GLIS3: variants seen among roughly 807,000 people sequenced by gnomAD.
The protein encoded by GLIS3 is GLIS family zinc finger 3.
In GLIS3, 53 loss-of-function variants were observed where a neutral mutation model predicts 78.6. The ratio of observed to expected loss-of-function variants is 0.67; its 90% CI spans 0.54 to 0.85. The LOEUF is 0.85. Ranked by LOEUF, GLIS3 falls within the 40% of genes least tolerant of loss-of-function variation. The pLI, the probability that GLIS3 is intolerant of heterozygous loss-of-function variation, is 0.00. For missense variants in GLIS3, 1,703 were observed against 1,231.1 expected, an observed-to-expected ratio of 1.38 and a Z score of -5.74; for synonymous variants, 684 against 509.9, an observed-to-expected ratio of 1.34 and a Z score of -4.60.
At chr9:4,380,360 A>G in the GLIS3 span, among the ~76,000 whole-genome samples, 2 of 152,218 alleles carry the variant, frequency 1.3e-5, no homozygotes, top group African/African-American at 4.8e-5. Context: ...TCTAAGCAAA[A>G]TGATTTCAGA....
At chr9:4,457,255 G>T in the GLIS3 span, among the ~76,000 whole-genome samples, 2 of 151,950 alleles carry the variant, frequency 1.3e-5, no homozygotes, top group African/African-American at 4.8e-5. Flanking sequence ...CAGCTACTTA[G>T]GAAGTTGAGG....
chr9:4,266,133 T>C (rs12708276), intron 2 of GLIS3, among the ~76,000 whole-genome samples: 82,978 of 151,628 alleles, frequency 0.55, 23,100 homozygotes, highest in African/African-American at 0.61. Context: ...TTATCCAGGA[T>C]GGTCTCGATC....
At chr9:4,163,027 G>A (rs13440435) in intron 2 of GLIS3, among the ~76,000 whole-genome samples, 11,273 of 152,238 alleles carry the variant, frequency 0.074, 899 homozygotes, top group African/African-American at 0.19. Context: ...ACATGAGGAT[G>A]GAGAGGGGAA....
At chr9:4,406,090 A>G in the GLIS3 span, among the ~76,000 whole-genome samples, 1 of 152,226 alleles carries the variant, frequency 6.6e-6, no homozygotes, top group Non-Finnish European at 1.5e-5. Flanking sequence ...ACTACATAAC[A>G]AAAGACTGTA....
chr9:3,829,845 GCAT>G (rs1389806921), intron 9 of GLIS3, among the ~76,000 whole-genome samples: 2 of 152,154 alleles, frequency 1.3e-5, no homozygotes, highest in Non-Finnish European at 2.9e-5. Context: ...GCATTTAAAT[GCAT>G]CTTCTTTAAC....
intron 4 of GLIS3, among the ~76,000 whole-genome samples, chr9:4,308,258 C>G (rs56331475): frequency 6.6e-6 from 1 of 151,782 alleles, no homozygotes; most frequent in African/African-American, 2.4e-5. Flanking sequence ...CTGGAAGGAA[C>G]AGGAAGGGCA....
At chr9:4,216,372 T>C (rs1332954733) in intron 2 of GLIS3, among the ~76,000 whole-genome samples, 2 of 151,138 alleles carry the variant, frequency 1.3e-5, no homozygotes, top group African/African-American at 2.4e-5. Flanking sequence ...ACTCAAGAGG[T>C]TGAGGCAGGA....
At chr9:4,484,154 T>C in the GLIS3 span, among the ~76,000 whole-genome samples, 2 of 152,218 alleles carry the variant, frequency 1.3e-5, no homozygotes, top group African/African-American at 4.8e-5. Context: ...AAGAGAAATC[T>C]GACATAGCTG....
chr9:4,186,413 G>A (rs963318608), intron 2 of GLIS3, among the ~76,000 whole-genome samples: 4 of 151,894 alleles, frequency 2.6e-5, no homozygotes, highest in East Asian at 3.9e-4. Context: ...GGACATTTGG[G>A]TTGGTTGCAA....
At chr9:4,037,223 G>C (rs1045603745) in intron 4 of GLIS3, among the ~76,000 whole-genome samples, 4 of 152,134 alleles carry the variant, frequency 2.6e-5, no homozygotes, top group African/African-American at 4.8e-5. Context: ...AAGATTTCTT[G>C]AGAGAGGCAT....
chr9:4,089,410 CTG>C (rs979900524), intron 4 of GLIS3, among the ~76,000 whole-genome samples: 8 of 152,116 alleles, frequency 5.3e-5, no homozygotes, highest in South Asian at 4.2e-4. Context: ...TAATAAAAAA[CTG>C]TGTATTTACA....
At chr9:4,280,148 T>C (rs1056813510) in intron 2 of GLIS3, among the ~76,000 whole-genome samples, 2 of 152,184 alleles carry the variant, frequency 1.3e-5, no homozygotes, top group African/African-American at 4.8e-5. Context: ...GCCTCCCGCA[T>C]AGCTGCGTCA....
intron 4 of GLIS3, among the ~76,000 whole-genome samples, chr9:4,069,198 T>C (rs891307786): frequency 1.3e-5 from 2 of 152,190 alleles, no homozygotes; most frequent in East Asian, 3.9e-4. Flanking sequence ...TGGCCAGCTC[T>C]AAAACTTTAT....
intron 2 of GLIS3, among the ~76,000 whole-genome samples, chr9:4,338,661 G>A (rs1276213905): frequency 6.6e-6 from 1 of 152,180 alleles, no homozygotes; most frequent in Non-Finnish European, 1.5e-5. Context: ...GACAGACCCA[G>A]GGAGAAAAAG....
At chr9:4,419,753 C>T in the GLIS3 span, among the ~76,000 whole-genome samples, 2 of 152,104 alleles carry the variant, frequency 1.3e-5, no homozygotes, top group Non-Finnish European at 2.9e-5. Flanking sequence ...GCACTCCAGC[C>T]TGGGAGACAG....
intron 8 of GLIS3, among the ~76,000 whole-genome samples, chr9:3,866,057 C>T (rs1463122564): frequency 6.6e-6 from 1 of 152,108 alleles, no homozygotes; most frequent in Non-Finnish European, 1.5e-5. Flanking sequence ...AGAACAATTG[C>T]CTGCTCTGGG....
intron 2 of GLIS3, among the ~76,000 whole-genome samples, chr9:4,269,152 C>G (rs1391082499): frequency 1.3e-5 from 2 of 152,188 alleles, no homozygotes; most frequent in African/African-American, 4.8e-5. Context: ...TCATGTGAAA[C>G]ATGTTAAAAT....
At chr9:4,196,451 G>A (rs907945002) in intron 2 of GLIS3, among the ~76,000 whole-genome samples, 12 of 152,226 alleles carry the variant, frequency 7.9e-5, no homozygotes, top group Non-Finnish European at 1.8e-4. Flanking sequence ...GATAAATCTT[G>A]CTGCTCCTCA....
At chr9:4,062,821 T>C (rs10974311) in intron 4 of GLIS3, among the ~76,000 whole-genome samples, 78,105 of 151,472 alleles carry the variant, frequency 0.52, 23,154 homozygotes, top group South Asian at 0.7. Context: ...CCCAGCTACT[T>C]GGGAGGCTGA....
Sources: allele counts gnomAD v4.1 joint callset (sites outside exome capture counted in the v4.1 genomes callset), GRCh38; gene constraint gnomAD v4.1.1; transcripts MANE v1.5; gene names NCBI Gene and HGNC (gene_info 2026-07-23, HGNC 2026-07-21).